CSMD3: variants seen among roughly 807,000 people sequenced by gnomAD.
CSMD3 encodes CUB and Sushi multiple domains 3.
CSMD3 carries 177 observed loss-of-function variants against 435.2 expected under a neutral mutation model. The observed-to-expected ratio is 0.41, with a 90% CI of 0.36 to 0.46. CSMD3 has a LOEUF of 0.46. CSMD3 is among the 20% of genes least tolerant of loss of function. The pLI, the probability that CSMD3 is intolerant of heterozygous loss-of-function variation, is 0.34. For missense variants in CSMD3, 4,265 were observed against 4,504.6 expected (o/e 0.95, Z 1.52); for synonymous variants, 1,656 against 1,520.5 (o/e 1.09, Z -2.07).
intron 3 of CSMD3, among the ~76,000 whole-genome samples, chr8:113,246,069 C>A (rs2093273137): frequency 6.6e-6 from 1 of 151,862 alleles, no homozygotes; most frequent in African/African-American, 2.4e-5. Context: ...TGTAATTTAT[C>A]TGCTTGTCTC....
intron 6 of CSMD3, among the ~76,000 whole-genome samples, chr8:112,985,527 C>T (rs2085223833): frequency 1.3e-5 from 2 of 152,100 alleles, no homozygotes; most frequent in Non-Finnish European, 2.9e-5. Flanking sequence ...GCTACATGGA[C>T]TACAGGAGGG....
chr8:112,649,831 A>G (rs2075078838), intron 19 of CSMD3, among the ~76,000 whole-genome samples: 1 of 152,100 alleles, frequency 6.6e-6, no homozygotes, highest in Non-Finnish European at 1.5e-5. Flanking sequence ...TTTTTTCAGG[A>G]CTTTCTTCTC....
At position 113,316,206 on chromosome 8, in the gene CSMD3, T is replaced by C. The variant is rs577040547; in HGVS notation, c.179-1413A>G. Among the ~76,000 whole-genome samples the C allele has an allele frequency of 2.6e-5, 4 of 152,244 alleles. No individual in the cohort carries two copies. The East Asian group carries it at 7.7e-4, about 29-fold the overall frequency. ...TCACCCAGATGTTATTATCTTTATC[T>C]GTGAGTCCTACAGGAAGCTGAAGTG... On this transcript the variant is annotated intron_variant, in intron 1 of 70. Transcript: ENST00000297405.
intron 1 of CSMD3, among the ~76,000 whole-genome samples, chr8:113,365,621 G>A (rs1028507667): frequency 1.3e-4 from 20 of 152,112 alleles, no homozygotes; most frequent in South Asian, 2.1e-4. Context: ...AATCATAGAC[G>A]TTGGCTGAGC....
chr8:112,556,782 A>G lies in CSMD3; in HGVS notation c.4215T>C (p.Tyr1405=). Residue 1405 remains tyrosine, a synonymous_variant, in exon 25 of 71, where the codon TAT becomes TAC. Transcript: ENST00000297405. ...TCCTACCAATACAGGAAGGCAGAGG[A>G]TAGTCCCATGCCCTTCTCTCCCCTG... ...CMTGERRAWD[Y]PLPSCIAECG... is the part of the protein sequence containing the mutation. The G allele has an allele frequency of 1.2e-6, 2 of 1,611,524 alleles. No homozygotes were observed. The highest frequency in any genetic ancestry group is 1.7e-5 in the Admixed American group (1 of 59,792).
At chr8:112,290,162 A>T (rs1819621170) in intron 56 of CSMD3, among the ~76,000 whole-genome samples, 1 of 152,126 alleles carries the variant, frequency 6.6e-6, no homozygotes, top group Non-Finnish European at 1.5e-5. Flanking sequence ...AAAAGTCAAT[A>T]CATTGTAGAA....
At chr8:113,054,320 T>A (rs949087616) in intron 5 of CSMD3, among the ~76,000 whole-genome samples, 1 of 152,192 alleles carries the variant, frequency 6.6e-6, no homozygotes, top group Non-Finnish European at 1.5e-5. Flanking sequence ...CTTAATTTTC[T>A]TACTTCAGAC....
intron 10 of CSMD3, among the ~76,000 whole-genome samples, 162 bp downstream of exon 10, chr8:112,921,465 A>T (rs1480615945): frequency 6.6e-6 from 1 of 152,054 alleles, no homozygotes; most frequent in African/African-American, 2.4e-5. Context: ...TAATAGATTG[A>T]TTCACATTTT....
Position 113,157,405 on chromosome 8 carries a change from C to A in CSMD3, c.709+16317G>T, listed in dbSNP as rs1349896360. Among the ~76,000 whole-genome samples, 3 of 133,424 alleles carry A rather than the reference C, an allele frequency of 2.2e-5. No homozygotes were observed. The East Asian group carries it at 5.8e-4, about 26-fold the overall frequency. 87.5% of individuals were successfully genotyped at this position (133,424 alleles called of 152,430 possible). ...ACACTGTGGCAGGCTGACTTCTAAG[C>A]TGTCAAGTAGAGCAAAATCTCATAA... On this transcript the variant is annotated intron_variant, in intron 4 of 70. Transcript: ENST00000297405.
intron 22 of CSMD3, among the ~76,000 whole-genome samples, chr8:112,603,711 C>T (rs1832562465): frequency 6.6e-6 from 1 of 152,002 alleles, no homozygotes; most frequent in Admixed American, 6.6e-5. Context: ...AAGTTTTTCT[C>T]TTTTTTTATG....
rs2090273098 is a variant in CSMD3 at position 113,099,645 on chromosome 8, TA to T, written c.710-683del. Among the ~76,000 whole-genome samples the T allele has an allele frequency of 2.0e-5, 3 of 152,086 alleles. No individual in the cohort carries two copies. In the South Asian group the frequency reaches 6.2e-4, roughly 31 times the overall value. The stretch of plus-strand genomic sequence containing the variant: ...ACAACACCATAAATAACTTTTTGAC[TA>T]ACCTTACATTTGGAACTGTGATTCT... On this transcript the variant is annotated intron_variant, in intron 4 of 70. Coordinates refer to ENST00000297405, the MANE Select transcript of CSMD3 (RefSeq NM_198123.2).
Position 112,255,202 on chromosome 8 carries a change from C to T in CSMD3, c.10036+52G>A, listed in dbSNP as rs1037624688. The T allele has an allele frequency of 2.1e-5, 29 of 1,409,930 alleles. No homozygotes were observed. In the Admixed American group the frequency reaches 4.2e-4, roughly 21 times the overall value. The allele number at this position is 1,409,930 out of a possible 1,614,324, so 87.3% of individuals were successfully genotyped here. On this transcript the variant is annotated intron_variant, in intron 62 of 70. Transcript: ENST00000297405. ...GGATAAAGAAAACCATTAAATGTCA[C>T]CCCTATTAATTACACAGTTACTGTG...
chr8:112,714,407 A>G (rs1336401549), intron 13 of CSMD3, among the ~76,000 whole-genome samples: 3 of 152,212 alleles, frequency 2.0e-5, no homozygotes, highest in Non-Finnish European at 4.4e-5. Context: ...CCAATACAGG[A>G]GCTCCCAGAT....
rs62516516 is a variant in CSMD3, at chr8:112,638,335, T to G, written c.3526+361A>C. On this transcript the variant is annotated intron_variant, in intron 21 of 70. Coordinates refer to ENST00000297405, the MANE Select transcript of CSMD3 (RefSeq NM_198123.2). ...ATTAATTCTCATTTCATTTTTGAGTTTAACTGAAACTTTAAAATATATATT... is the reference window on the plus strand; with the variant it reads ...ATTAATTCTCATTTCATTTTTGAGTGTAACTGAAACTTTAAAATATATATT... Among the ~76,000 whole-genome samples, 664 of 151,068 alleles carry G rather than the reference T, an allele frequency of 4.4e-3. 2 individuals are homozygous for G. The highest frequency in any genetic ancestry group is 7.2e-3 in the Non-Finnish European group (489 of 67,676).
At chr8:112,802,952 C>G (rs1384180255) in intron 12 of CSMD3, among the ~76,000 whole-genome samples, 1 of 151,964 alleles carries the variant, frequency 6.6e-6, no homozygotes, top group Non-Finnish European at 1.5e-5. Context: ...ATAGGGGAAG[C>G]CAAGGATATT....
intron 5 of CSMD3, among the ~76,000 whole-genome samples, chr8:113,057,222 T>A (rs1384483200): frequency 6.6e-6 from 1 of 152,156 alleles, no homozygotes; most frequent in African/African-American, 2.4e-5. Flanking sequence ...TTTGGAACTA[T>A]TTTACTTATT....
intron 1 of CSMD3, among the ~76,000 whole-genome samples, chr8:113,431,282 G>A (rs888481608): frequency 4.6e-5 from 7 of 152,142 alleles, no homozygotes; most frequent in Admixed American, 6.5e-5. Flanking sequence ...TTTGGATGAT[G>A]AGTAAAGGGA....
intron 1 of CSMD3, among the ~76,000 whole-genome samples, chr8:113,422,998 A>T (rs1404927869): frequency 6.9e-6 from 1 of 145,426 alleles, no homozygotes; most frequent in Non-Finnish European, 1.5e-5. Context: ...CCAAGTCTAA[A>T]CAAAAAATGT....
intron 3 of CSMD3, among the ~76,000 whole-genome samples, chr8:113,225,049 T>G (rs2093011035): frequency 6.6e-6 from 1 of 151,176 alleles, no homozygotes. Context: ...TTGAGAAGTA[T>G]GAAGGAGATT....
Sources: gnomAD v4.1 joint callset for allele counts (sites outside exome capture counted in the v4.1 genomes callset) on GRCh38, gnomAD v4.1.1 for gene constraint, MANE v1.5 for transcripts, NCBI Gene and HGNC (gene_info 2026-07-23, HGNC 2026-07-21) for gene names.